PLCE1: variants seen among roughly 807,000 people sequenced by gnomAD.
PLCE1 encodes 1-phosphatidylinositol 4,5-bisphosphate phosphodiesterase epsilon-1.
Under a neutral mutation model 242.8 loss-of-function variants are expected in PLCE1, and 119 were observed. The ratio of observed to expected loss-of-function variants is 0.49; its 90% confidence interval spans 0.42 to 0.57. The LOEUF (loss-of-function observed/expected upper bound fraction) is 0.57, where lower values mean the gene tolerates loss of function less well. Ranked by LOEUF, PLCE1 falls within the 20% of genes least tolerant of loss-of-function variation. The probability of loss-of-function intolerance (pLI) is 0.00; values close to 1 mark genes in which losing one functional copy is unlikely to be tolerated. For missense variants in PLCE1, 2,441 were observed against 2,788.8 expected, an observed-to-expected ratio of 0.88 and a Z score of 2.81; for synonymous variants, 945 against 1,017.4, an observed-to-expected ratio of 0.93 and a Z score of 1.35.
chr10:94,291,140 T>G (rs2052631354), intron 22 of PLCE1, among the ~76,000 whole-genome samples: 1 of 152,200 alleles, frequency 6.6e-6, no homozygotes, highest in Non-Finnish European at 1.5e-5. Context: ...AGTCAATTTA[T>G]TCTTTTTTTT....
rs559598196 is a variant in PLCE1 at position 94,003,394 on chromosome 10, A to G, written c.-365+9136A>G. Among the ~76,000 whole-genome samples the G allele has an allele frequency of 1.4e-4, 21 of 152,336 alleles. No homozygotes were observed. In the South Asian group the frequency reaches 3.9e-3, roughly 29 times the overall value. On this transcript the variant is annotated intron_variant, in intron 1 of 32. Coordinates refer to ENST00000371380, the MANE Select transcript of PLCE1 (RefSeq NM_016341.4). ...CTTGGAGATGATTTTATGCTTTTTC[A>G]CATTTGACCTGCTCATGTGTTCTAT...
At chr10:94,269,092 GTCT>G in intron 17 of PLCE1, 56 bp downstream of exon 17, 7 of 388,778 alleles carry the variant, frequency 1.8e-5, no homozygotes, top group East Asian at 6.0e-5. Context: ...ATCTTCATTT[GTCT>G]TTTTTTTTTT....
chr10:94,076,609 TG>T, intron 2 of PLCE1, among the ~76,000 whole-genome samples: 1 of 152,236 alleles, frequency 6.6e-6, no homozygotes, highest in South Asian at 2.1e-4. Context: ...CTTTAATTTC[TG>T]CCATGAAGGA....
chr10:94,017,956 CTG>C (rs2061310298), intron 1 of PLCE1, among the ~76,000 whole-genome samples: 1 of 152,158 alleles, frequency 6.6e-6, no homozygotes, highest in South Asian at 2.1e-4. Context: ...TACTGAAAGA[CTG>C]TAATGTAAGA....
chr10:94,248,438 T>TA (rs1336578816), intron 8 of PLCE1, among the ~76,000 whole-genome samples: 1 of 152,030 alleles, frequency 6.6e-6, no homozygotes, highest in Non-Finnish European at 1.5e-5. Context: ...CCGCCTCTAC[T>TA]AAAAATACAA....
chr10:94,173,678 G>T (rs1348391072), intron 4 of PLCE1, among the ~76,000 whole-genome samples: 1 of 152,178 alleles, frequency 6.6e-6, no homozygotes, highest in Non-Finnish European at 1.5e-5. Flanking sequence ...CTAATTCAGA[G>T]TTAGAGATGA....
intron 4 of PLCE1, among the ~76,000 whole-genome samples, chr10:94,221,587 T>G (rs899065443): frequency 6.6e-6 from 1 of 152,094 alleles, no homozygotes; most frequent in African/African-American, 2.4e-5. Flanking sequence ...AATACAAAAT[T>G]AGCCAGGTGT....
chr10:94,125,512 C>T (rs1431914116), intron 2 of PLCE1, among the ~76,000 whole-genome samples: 1 of 152,064 alleles, frequency 6.6e-6, no homozygotes, highest in African/African-American at 2.4e-5. Flanking sequence ...CCTGCCTCAG[C>T]CTCCGGAGTA....
intron 7 of PLCE1, among the ~76,000 whole-genome samples, chr10:94,241,938 TG>T (rs1308899251): frequency 6.6e-6 from 1 of 152,198 alleles, no homozygotes; most frequent in Non-Finnish European, 1.5e-5. Context: ...CTGTGCTAAG[TG>T]CTTTCCAACT....
rs2049510636 is a variant in PLCE1 at position 94,215,929 on chromosome 10, T to G, written c.1810-11377T>G. ...CAATGAGACCCGAACTCAAATAAAA[T>G]AAAATAAAATAGGCCAAGACAGAGC... is the stretch of plus-strand genomic sequence containing the variant. On this transcript the variant is annotated intron_variant, in intron 4 of 32. Transcript: ENST00000371380. Among the ~76,000 whole-genome samples, 3 of 151,848 alleles carry G rather than the reference T, an allele frequency of 2.0e-5. No homozygotes were observed. The South Asian group carries it at 6.2e-4, about 32-fold the overall frequency.
At chr10:94,206,540 G>A (rs558954840) in intron 4 of PLCE1, among the ~76,000 whole-genome samples, 1 of 152,312 alleles carries the variant, frequency 6.6e-6, no homozygotes, top group East Asian at 1.9e-4. Flanking sequence ...CTTTTCCATT[G>A]CTCTATCTTA....
At chr10:94,240,483 A>G (rs2050465349) in intron 7 of PLCE1, among the ~76,000 whole-genome samples, 1 of 152,210 alleles carries the variant, frequency 6.6e-6, no homozygotes, top group Non-Finnish European at 1.5e-5. Flanking sequence ...TTTCCAGAAG[A>G]GAGCATTAAA....
At chr10:94,129,607 T>C (rs2046534988) in intron 2 of PLCE1, among the ~76,000 whole-genome samples, 1 of 152,182 alleles carries the variant, frequency 6.6e-6, no homozygotes, top group Non-Finnish European at 1.5e-5. Flanking sequence ...CACATGGTAG[T>C]GAGCAAATGC....
intron 5 of PLCE1, among the ~76,000 whole-genome samples, chr10:94,230,009 C>G (rs1199811816): frequency 6.6e-6 from 1 of 152,034 alleles, no homozygotes; most frequent in African/African-American, 2.4e-5. Context: ...TGTTTAGGTT[C>G]CAAGCAATTA....
intron 3 of PLCE1, chr10:94,138,924 G>A (rs731141): frequency 0.47 from 73,906 of 158,828 alleles, 17,674 homozygotes; most frequent in Non-Finnish European, 0.53. Flanking sequence ...ATGTAACCTA[G>A]AGGAGAGTGA....
At chr10:94,118,137 A>AT (rs975837481) in intron 2 of PLCE1, among the ~76,000 whole-genome samples, 1 of 152,162 alleles carries the variant, frequency 6.6e-6, no homozygotes, top group Non-Finnish European at 1.5e-5. Flanking sequence ...AGAAGTTACA[A>AT]TTTTTTTAAA....
intron 1 of PLCE1, among the ~76,000 whole-genome samples, chr10:94,015,597 C>T (rs866532573): frequency 1.8e-4 from 27 of 152,250 alleles, no homozygotes; most frequent in African/African-American, 4.8e-4. Context: ...GTGCCCCAGT[C>T]GTTTGAGAGT....
chr10:94,197,838 C>T (rs1166008098), intron 4 of PLCE1, among the ~76,000 whole-genome samples: 3 of 151,900 alleles, frequency 2.0e-5, no homozygotes, highest in East Asian at 1.9e-4. Flanking sequence ...CAAAAATTAG[C>T]TGGGCATGGT....
chr10:94,069,973 T>C (rs983616993), intron 2 of PLCE1, among the ~76,000 whole-genome samples: 19 of 152,174 alleles, frequency 1.2e-4, no homozygotes, highest in South Asian at 2.1e-4. Context: ...ACTCCTAAAA[T>C]GAATAGGGAA....
Sources: allele counts gnomAD v4.1 joint callset (sites outside exome capture counted in the v4.1 genomes callset), GRCh38; gene constraint gnomAD v4.1.1; transcripts MANE v1.5; gene names NCBI Gene and HGNC (gene_info 2026-07-23, HGNC 2026-07-21).